The following IFT122 variants were observed in gnomAD, a reference collection of about 807,000 sequenced individuals.
The protein encoded by IFT122 is intraflagellar transport 122.
A neutral mutation model predicts 161.6 loss-of-function variants in IFT122; 118 were observed. That is an observed-to-expected ratio of 0.73 (90% CI 0.63 to 0.85). The LOEUF is 0.85. Among genes scored for constraint, IFT122 ranks in the 40% least tolerant of loss-of-function variants. The pLI, the probability that IFT122 is intolerant of heterozygous loss-of-function variation, is 0.00. For missense variants in IFT122, 1,381 were observed against 1,579.6 expected (o/e 0.87, Z 2.13); for synonymous variants, 550 against 602.4 (o/e 0.91, Z 1.27).
chr3:129,517,042 C>CAT (rs2083942427), intron 26 of IFT122, among the ~76,000 whole-genome samples: 1 of 131,078 alleles, frequency 7.6e-6, no homozygotes, highest in Admixed American at 7.5e-5. Context: ...TGCTCCTGCA[C>CAT]ACACACACAC....
intron 8 of IFT122, 75 bp downstream of exon 8, chr3:129,467,141 TA>T: frequency 6.9e-7 from 1 of 1,452,210 alleles, no homozygotes; most frequent in Non-Finnish European, 9.5e-7. Flanking sequence ...GGACAGATGT[TA>T]AACTCTTTGG....
intron 1 of IFT122, among the ~76,000 whole-genome samples, chr3:129,443,121 A>T (rs1354250114): frequency 6.6e-6 from 1 of 152,224 alleles, no homozygotes; most frequent in Non-Finnish European, 1.5e-5. Flanking sequence ...ATCATGTTTA[A>T]TCTCTACAAC....
At chr3:129,514,596 C>T in intron 25 of IFT122, 42 bp downstream of exon 25, 1 of 1,608,840 alleles carries the variant, frequency 6.2e-7, no homozygotes. Context: ...TCTCCTCTCC[C>T]TTGAGGCCAT....
chr3:129,494,296 T>C (rs2080556378), intron 17 of IFT122, among the ~76,000 whole-genome samples: 3 of 152,164 alleles, frequency 2.0e-5, no homozygotes, highest in South Asian at 4.1e-4. Context: ...TCCTCCTCTT[T>C]TGACCTCCCA....
At position 129,469,385 on chromosome 3, in the gene IFT122, A is replaced by G. The variant is rs1360562483; in HGVS notation, c.784A>G (p.Lys262Glu). Residue 262 changes from lysine to glutamate, a missense_variant, in exon 9 of 30, where the codon AAA becomes GAA. Physicochemically the swap from Lys to Glu is moderately conservative, Grantham distance 56 (BLOSUM62 1). This residue lies in a region of IFT122 where 544 missense variants were observed against 648.0 expected (regional missense o/e 0.84). Transcript: ENST00000348417. Reference sequence around the variant, plus strand: ...CCTGGCTGTGGCTGACTGGGGACAGAAAGTTTCCTTCTACCAGCTGAGTGG... The same window carrying G: ...CCTGGCTGTGGCTGACTGGGGACAGGAAGTTTCCTTCTACCAGCTGAGTGG... ...DILAVADWGQ[K>E]VSFYQLSGKQ... 6.2e-7 allele frequency: 1 copy of G among 1,614,098 alleles called. No homozygotes were observed. Among genetic ancestry groups the G allele is most frequent in the African/African-American group, 1.3e-5 (1 of 75,056 alleles).
intron 9 of IFT122, among the ~76,000 whole-genome samples, chr3:129,471,614 ATGT>A (rs1002916363): frequency 6.6e-5 from 10 of 152,354 alleles, no homozygotes; most frequent in African/African-American, 2.4e-4. Flanking sequence ...CCCAGAGCTC[ATGT>A]TGTGGCCCAA....
In IFT122 at chr3:129,476,336, A is replaced by C. The variant is rs747259787; in HGVS notation, c.838A>C (p.Asn280His). Residue 280 changes from asparagine to histidine, a missense_variant, in exon 10 of 30, where the codon AAC (asparagine) becomes CAC (histidine). By Grantham distance (68) the Asn-to-His change is moderately conservative. Transcript: ENST00000348417. ...TCAGATTGGAAAGGATCGGGCACTG[A>C]ACTTTGACCCCTGCTGCATCAGCTA... is the stretch of plus-strand genomic sequence containing the variant. ...GKQIGKDRAL[N>H]FDPCCISYFT... 5.0e-6 allele frequency: 8 copies of C among 1,614,126 alleles called. No individual in the cohort carries two copies. Among genetic ancestry groups the C allele is most frequent in the Non-Finnish European group, 6.8e-6 (8 of 1,180,022 alleles).
At chr3:129,470,753 A>G (rs1318703427) in intron 9 of IFT122, among the ~76,000 whole-genome samples, 1 of 151,686 alleles carries the variant, frequency 6.6e-6, no homozygotes, top group African/African-American at 2.4e-5. Flanking sequence ...TATTTTTAGT[A>G]GAGACGGGGT....
chr3:129,444,221 G>A (rs1233317392), intron 1 of IFT122, among the ~76,000 whole-genome samples: 1 of 152,182 alleles, frequency 6.6e-6, no homozygotes, highest in East Asian at 1.9e-4. Flanking sequence ...CCGCCATGCT[G>A]CTTCTCAAAA....
intron 2 of IFT122, among the ~76,000 whole-genome samples, chr3:129,450,251 C>T (rs926969027): frequency 6.6e-6 from 1 of 152,094 alleles, no homozygotes; most frequent in Admixed American, 6.6e-5. Context: ...ATTTTGTCCC[C>T]CAGAAAAATT....
intron 19 of IFT122, among the ~76,000 whole-genome samples, chr3:129,501,626 T>C (rs1008981604): frequency 1.3e-5 from 2 of 152,256 alleles, no homozygotes; most frequent in Admixed American, 1.3e-4. Context: ...TTGTAAGTGC[T>C]ATAGTATCAG....
At position 129,492,125 on chromosome 3, in the gene IFT122, T is replaced by C. The variant is rs1268972231; in HGVS notation, c.1993-16T>C. The C allele has an allele frequency of 1.9e-6, 3 of 1,605,084 alleles. No individual in the cohort carries two copies. The highest frequency in any genetic ancestry group is 2.2e-5 in the South Asian group (2 of 90,816). Reference sequence around the variant, plus strand: ...CAAGAAGACAGCTTATTTTATTCTTTATTTCTTCGCCACAGGCCTTCATCA... The same window carrying C: ...CAAGAAGACAGCTTATTTTATTCTTCATTTCTTCGCCACAGGCCTTCATCA... On this transcript the variant is annotated splice_polypyrimidine_tract_variant and intron_variant, in intron 16 of 29. Transcript: ENST00000348417.
chr3:129,459,303 G>T (rs2075893647), intron 4 of IFT122: 1 of 453,222 alleles, frequency 2.2e-6, no homozygotes, highest in Non-Finnish European at 4.4e-6. Context: ...GTTTTGTTTT[G>T]TTTTGAGACA....
rs575949203 is a variant in IFT122, at chr3:129,449,453, G to C, written c.42-418G>C. ...TCTCACTGGATAGTAATTTCCCTGA[G>C]GGGAGGGAGGGATTATGATCTGTTC... is the stretch of plus-strand genomic sequence containing the variant. On this transcript the variant is annotated intron_variant, in intron 1 of 29. Transcript: ENST00000348417. Among the ~76,000 whole-genome samples the C allele has an allele frequency of 3.6e-4, 55 of 152,344 alleles. No homozygotes were observed. The South Asian group carries it at 0.01, about 28-fold the overall frequency.
At chr3:129,474,707 G>A (rs2077714795) in intron 9 of IFT122, among the ~76,000 whole-genome samples, 1 of 152,226 alleles carries the variant, frequency 6.6e-6, no homozygotes, top group Non-Finnish European at 1.5e-5. Context: ...TTTTGGCTGA[G>A]AGAATGACCT....
chr3:129,500,450 A>G (rs1024888642), intron 19 of IFT122, among the ~76,000 whole-genome samples: 2 of 152,226 alleles, frequency 1.3e-5, no homozygotes, highest in African/African-American at 4.8e-5. Context: ...AGTTATTCCC[A>G]AAGTCCAGAT....
At position 129,502,718 on chromosome 3, in the gene IFT122, G is replaced by A. The variant is rs76007598; in HGVS notation, c.2383G>A (p.Asp795Asn). The A allele has an allele frequency of 4.5e-5, 73 of 1,607,122 alleles. No individual in the cohort carries two copies. The East Asian group carries it at 4.7e-4, about 10-fold the overall frequency. The part of the protein sequence containing the change: ...GDHGWVDMLI[D>N]IARKLDKAER... The stretch of plus-strand genomic sequence containing the variant: ...TGCCCCTTCCCTCTCCAGGTTGATC[G>A]ACATCGCCCGCAAACTGGACAAGGC... Residue 795 changes from aspartate (D) to asparagine (N), a missense_variant, in exon 20 of 30, where the codon GAC becomes AAC. By Grantham distance (23) the Asp-to-Asn change is conservative. This residue lies in a region of IFT122 where 496 missense variants were observed against 502.5 expected (regional missense o/e 0.99). Transcript: ENST00000348417.
chr3:129,512,607 G>T lies in IFT122; in HGVS notation c.2987+195G>T, dbSNP rs1419993989. On this transcript the variant is annotated intron_variant, in intron 24 of 29. Transcript: ENST00000348417. ...GGCCCAGGGGCCCAGGCCAAGAGAA[G>T]ATGAGTTTTCAGGGCTCTCTGAGCT... 1.1e-5 allele frequency: 7 copies of T among 623,008 alleles called. No homozygotes were observed. The East Asian group carries it at 1.7e-4, about 15-fold the overall frequency. The allele number at this position is 623,008 out of a possible 1,614,324, so 38.6% of individuals were successfully genotyped here.
intron 15 of IFT122, chr3:129,483,884 A>G (rs2108354613): frequency 4.7e-6 from 3 of 640,530 alleles, no homozygotes; most frequent in Non-Finnish European, 5.7e-6. Context: ...AAACAGCTCA[A>G]CCTCCCTGAG....
Sources: allele counts gnomAD v4.1 joint callset (sites outside exome capture counted in the v4.1 genomes callset), GRCh38; gene constraint gnomAD v4.1.1; regional missense constraint gnomAD v4.1.1; transcripts MANE v1.5; gene names NCBI Gene and HGNC (gene_info 2026-07-23, HGNC 2026-07-21).